Variants in TENM2 observed in about 807,000 individuals in gnomAD.
TENM2 encodes the protein teneurin transmembrane protein 2.
TENM2 carries 52 observed loss-of-function variants against 245.2 expected under a neutral mutation model. The ratio of observed to expected loss-of-function variants is 0.21; its 90% CI spans 0.17 to 0.27. TENM2 has a LOEUF of 0.27. TENM2 is among the 10% of genes least tolerant of loss of function. TENM2 has a pLI of 1.00. For missense variants in TENM2, 3,046 were observed against 3,666.8 expected (o/e 0.83, Z 4.37); for synonymous variants, 1,363 against 1,438.9 (o/e 0.95, Z 1.19).
intron 25 of TENM2, among the ~76,000 whole-genome samples, chr5:168,230,507 G>A (rs925507264): frequency 6.6e-6 from 1 of 152,158 alleles, no homozygotes; most frequent in Non-Finnish European, 1.5e-5. Flanking sequence ...CTGGGGAGTG[G>A]CCATTTCGTC....
chr5:168,195,410 C>T (rs1401422888), intron 15 of TENM2, 115 bp downstream of exon 17: 2 of 1,223,388 alleles, frequency 1.6e-6, no homozygotes, highest in East Asian at 5.1e-5. Context: ...GAATGTCCAC[C>T]AGGCCTGTCC....
intron 2 of TENM2, among the ~76,000 whole-genome samples, chr5:167,836,813 T>C (rs1285147192): frequency 6.6e-6 from 1 of 152,158 alleles, no homozygotes; most frequent in Non-Finnish European, 1.5e-5. Context: ...TAAAGTGCTT[T>C]AGTAGTTTTG....
At chr5:166,985,363 A>G in the TENM2 span, among the ~76,000 whole-genome samples, 1 of 152,168 alleles carries the variant, frequency 6.6e-6, no homozygotes, top group Non-Finnish European at 1.5e-5. Context: ...TTTATTCTGT[A>G]GTTGGCCACC....
intron 5 of TENM2, among the ~76,000 whole-genome samples, chr5:168,026,115 G>A (rs568190518): frequency 4.7e-4 from 72 of 152,258 alleles, no homozygotes; most frequent in Non-Finnish European, 9.0e-4. Context: ...TCTTCTCAAG[G>A]TATGATGTCA....
At chr5:167,890,948 A>G (rs1243881577) in intron 3 of TENM2, among the ~76,000 whole-genome samples, 4 of 152,184 alleles carry the variant, frequency 2.6e-5, no homozygotes, top group Admixed American at 2.6e-4. Context: ...AGAAGGTATT[A>G]TTATCTCTAC....
intron 2 of TENM2, among the ~76,000 whole-genome samples, chr5:167,615,742 A>G (rs916616311): frequency 6.6e-6 from 1 of 152,024 alleles, no homozygotes; most frequent in African/African-American, 2.4e-5. Flanking sequence ...GTCACTCATC[A>G]CTTAAGAAAA....
intron 2 of TENM2, among the ~76,000 whole-genome samples, chr5:167,609,760 A>G (rs1777347331): frequency 6.6e-6 from 1 of 152,104 alleles, no homozygotes; most frequent in Admixed American, 6.6e-5. Flanking sequence ...ATAGGAAAAA[A>G]ACAAACTGTT....
At chr5:167,908,178 A>C (rs1776251871) in intron 3 of TENM2, among the ~76,000 whole-genome samples, 1 of 152,134 alleles carries the variant, frequency 6.6e-6, no homozygotes, top group Non-Finnish European at 1.5e-5. Context: ...CTCTTGTTAG[A>C]ACCACACATT....
the TENM2 span, among the ~76,000 whole-genome samples, chr5:167,270,943 C>T: frequency 6.6e-6 from 1 of 152,136 alleles, no homozygotes; most frequent in Non-Finnish European, 1.5e-5. Context: ...TTAGTGATAA[C>T]TTACTTTAGG....
the TENM2 span, among the ~76,000 whole-genome samples, chr5:167,198,012 A>T: frequency 6.6e-6 from 1 of 151,996 alleles, no homozygotes; most frequent in Non-Finnish European, 1.5e-5. Flanking sequence ...ATAGCCTGAG[A>T]AGGGCATTAT....
chr5:167,314,268 A>T (rs993690735), intron 1 of TENM2, among the ~76,000 whole-genome samples: 1 of 152,168 alleles, frequency 6.6e-6, no homozygotes, highest in African/African-American at 2.4e-5. Flanking sequence ...AGGAAAAAAA[A>T]CAAATCCAGG....
At chr5:168,109,439 A>G (rs564182220) in intron 9 of TENM2, among the ~76,000 whole-genome samples, 3 of 152,298 alleles carry the variant, frequency 2.0e-5, no homozygotes, top group South Asian at 2.1e-4. Flanking sequence ...TTTCACAGCT[A>G]AAGAAACTGA....
chr5:167,805,137 C>T (rs1404256120), intron 2 of TENM2, among the ~76,000 whole-genome samples: 4 of 152,168 alleles, frequency 2.6e-5, no homozygotes, highest in South Asian at 2.1e-4. Flanking sequence ...ATTGGGAGGG[C>T]GTAAGAGGGG....
the TENM2 span, among the ~76,000 whole-genome samples, chr5:167,274,134 A>G: frequency 1.3e-5 from 2 of 152,262 alleles, no homozygotes; most frequent in East Asian, 3.9e-4. Context: ...TTGCCCATTT[A>G]TAGCTATACT....
the TENM2 span, among the ~76,000 whole-genome samples, chr5:167,230,844 G>A: frequency 5.3e-5 from 8 of 152,258 alleles, no homozygotes; most frequent in South Asian, 4.1e-4. Context: ...ATATGGTTAC[G>A]CTATGTGTCT....
chr5:168,121,310 G>C (rs1378897888), intron 10 of TENM2, among the ~76,000 whole-genome samples: 1 of 152,212 alleles, frequency 6.6e-6, no homozygotes, highest in African/African-American at 2.4e-5. Flanking sequence ...TATTTATAAA[G>C]CTTCGTAAAA....
At chr5:167,496,246 T>A in intron 2 of TENM2, among the ~76,000 whole-genome samples, 1 of 152,098 alleles carries the variant, frequency 6.6e-6, no homozygotes, top group East Asian at 1.9e-4. Context: ...TTTTCAAGGA[T>A]ATGTTTATCA....
At chr5:167,316,243 A>G (rs537815097) in intron 1 of TENM2, among the ~76,000 whole-genome samples, 1 of 152,254 alleles carries the variant, frequency 6.6e-6, no homozygotes, top group Non-Finnish European at 1.5e-5. Flanking sequence ...AATGCCTGGC[A>G]TGTAATGGAT....
chr5:167,095,758 GA>G, the TENM2 span, among the ~76,000 whole-genome samples: 1 of 141,594 alleles, frequency 7.1e-6, no homozygotes, highest in African/African-American at 2.7e-5. Flanking sequence ...TCAACTCAAA[GA>G]AAGCCTTTCT....
Sources: gnomAD v4.1 joint callset for allele counts (sites outside exome capture counted in the v4.1 genomes callset) on GRCh38, gnomAD v4.1.1 for gene constraint, MANE v1.5 for transcripts, NCBI Gene and HGNC (gene_info 2026-07-23, HGNC 2026-07-21) for gene names.